COQ5: variants seen among roughly 807,000 people sequenced by gnomAD.
COQ5 encodes the protein coenzyme Q5, methyltransferase.
In COQ5, 27 loss-of-function variants were observed where a neutral mutation model predicts 40.5. That is an observed-to-expected ratio of 0.67 (90% confidence interval 0.49 to 0.92). The LOEUF (loss-of-function observed/expected upper bound fraction) is 0.92, where lower values mean the gene tolerates loss of function less well. COQ5 is among the 40% of genes least tolerant of loss of function. COQ5 has a pLI of 0.00. For missense variants in COQ5, 409 were observed against 406.4 expected (o/e 1.01, Z -0.06); for synonymous variants, 141 against 150.0 (o/e 0.94, Z 0.44).
chr12:120,506,154 C>T (rs1016180289), intron 4 of COQ5, among the ~76,000 whole-genome samples: 1 of 151,992 alleles, frequency 6.6e-6, no homozygotes, highest in African/African-American at 2.4e-5. Flanking sequence ...CATGCCTGGC[C>T]GGTTATTCAC....
rs769518316 is a variant in COQ5 at position 120,510,030 on chromosome 12, G to A, written c.668C>T (p.Thr223Ile). The A allele has an allele frequency of 6.2e-7, 1 of 1,613,578 alleles. No homozygotes were observed. Among genetic ancestry groups the A allele is most frequent in the Non-Finnish European group, 8.5e-7 (1 of 1,179,510 alleles). ...YTIAFGIRNV[T>I]HIDQALQEAH... is the part of the protein sequence containing the mutation. The stretch of plus-strand genomic sequence containing the variant: ...AGCCATTCATACCTGATCAATGTGT[G>A]TGACATTCCGGATCCCAAAGGCAAT... The change falls in exon 4 of 7, where the codon ACA (threonine) becomes ATA (isoleucine). Residue 223 changes from threonine to isoleucine, a missense_variant. By Grantham distance (89) the Thr-to-Ile change is moderately conservative. Coordinates refer to ENST00000288532, the MANE Select transcript of COQ5 (RefSeq NM_032314.4).
chr12:120,522,466 T>C (rs1234089395), intron 1 of COQ5, 103 bp from the exon 2 acceptor site: 1 of 1,118,434 alleles, frequency 8.9e-7, no homozygotes, highest in African/African-American at 1.5e-5. Flanking sequence ...ATGACCTGGC[T>C]TTGCAAGGTG....
intron 4 of COQ5, among the ~76,000 whole-genome samples, chr12:120,508,369 AGAGT>A (rs1868975439): frequency 6.6e-6 from 1 of 152,040 alleles, no homozygotes; most frequent in Admixed American, 6.6e-5. Context: ...CCTGGGTGAC[AGAGT>A]GAGAGTCCGT....
At chr12:120,519,286 G>A (rs1182258863) in intron 2 of COQ5, among the ~76,000 whole-genome samples, 1 of 152,132 alleles carries the variant, frequency 6.6e-6, no homozygotes, top group Non-Finnish European at 1.5e-5. Context: ...AGGCCAGGCG[G>A]AGTGGGTCAG....
At chr12:120,528,542 G>A (rs1258840370) in intron 1 of COQ5, among the ~76,000 whole-genome samples, 1 of 152,162 alleles carries the variant, frequency 6.6e-6, no homozygotes, top group Non-Finnish European at 1.5e-5. Context: ...TGGGCGCGGT[G>A]GCTCACGCCT....
intron 1 of COQ5, 55 bp downstream of exon 1, chr12:120,528,885 G>A (rs1217394128): frequency 2.6e-6 from 4 of 1,517,130 alleles, no homozygotes; most frequent in African/African-American, 1.4e-5. Flanking sequence ...CTGGCCAGAA[G>A]AAACCAGACC....
intron 3 of COQ5, among the ~76,000 whole-genome samples, chr12:120,511,841 T>C (rs532966320): frequency 6.6e-6 from 1 of 152,172 alleles, no homozygotes; most frequent in Non-Finnish European, 1.5e-5. Context: ...ATGCAAAACA[T>C]TGGGGAAAAA....
At chr12:120,527,967 T>TGACAGA (rs1870032034) in intron 1 of COQ5, among the ~76,000 whole-genome samples, 1 of 91,866 alleles carries the variant, frequency 1.1e-5, no homozygotes, top group African/African-American at 4.2e-5. Context: ...AGCCTGGGGG[T>TGACAGA]GACAGAGAGA....
chr12:120,526,634 A>T (rs1472834559), intron 1 of COQ5: 1 of 300,024 alleles, frequency 3.3e-6, no homozygotes, highest in East Asian at 9.5e-5. Context: ...CAATTTGCCA[A>T]GGCATAGAAA....
At chr12:120,508,117 T>G (rs1277418514) in intron 4 of COQ5, among the ~76,000 whole-genome samples, 1 of 149,206 alleles carries the variant, frequency 6.7e-6, no homozygotes, top group Non-Finnish European at 1.5e-5. Context: ...CAACTCAGCC[T>G]CCCAAGTAGC....
At chr12:120,511,554 G>A (rs1049972544) in intron 3 of COQ5, among the ~76,000 whole-genome samples, 1 of 152,102 alleles carries the variant, frequency 6.6e-6, no homozygotes, top group African/African-American at 2.4e-5. Flanking sequence ...AGGAGGCTGA[G>A]GTGGGAGGAG....
intron 2 of COQ5, among the ~76,000 whole-genome samples, chr12:120,520,395 G>A (rs1366468949): frequency 1.3e-5 from 2 of 151,198 alleles, no homozygotes; most frequent in African/African-American, 4.9e-5. Context: ...GCTTGATCTC[G>A]GCTCACTGCA....
At chr12:120,515,205 C>T (rs1478660476) in intron 3 of COQ5, among the ~76,000 whole-genome samples, 1 of 152,142 alleles carries the variant, frequency 6.6e-6, no homozygotes, top group Non-Finnish European at 1.5e-5. Context: ...GATCCTCCTG[C>T]TTCAGCCTCC....
intron 4 of COQ5, among the ~76,000 whole-genome samples, chr12:120,506,762 T>G (rs897625960): frequency 2.6e-5 from 4 of 152,230 alleles, no homozygotes; most frequent in Admixed American, 6.5e-5. Context: ...GCTTCTCTGC[T>G]TTCTTCAGTC....
intron 4 of COQ5, among the ~76,000 whole-genome samples, chr12:120,509,549 T>C (rs1178450099): frequency 6.6e-6 from 1 of 152,070 alleles, no homozygotes; most frequent in Non-Finnish European, 1.5e-5. Flanking sequence ...TATGAGGAAA[T>C]ACACAAAAGG....
intron 2 of COQ5, among the ~76,000 whole-genome samples, chr12:120,519,335 G>A (rs1375552418): frequency 6.6e-6 from 1 of 151,764 alleles, no homozygotes; most frequent in Non-Finnish European, 1.5e-5. Context: ...AAGGTGGGCG[G>A]ATCACCTTAG....
intron 2 of COQ5, among the ~76,000 whole-genome samples, chr12:120,520,141 T>C (rs1050896768): frequency 6.6e-6 from 1 of 150,914 alleles, no homozygotes; most frequent in Non-Finnish European, 1.5e-5. Context: ...ATGTATTTAT[T>C]TATTATTATT....
In COQ5 at chr12:120,529,086, C is replaced by A; in HGVS notation, c.56G>T (p.Arg19Leu). Residue 19 changes from arginine (R) to leucine (L), a missense_variant, in exon 1 of 7, where the codon CGG (arginine) becomes CTG (leucine). Arg to Leu is a moderately radical substitution (Grantham distance 102, BLOSUM62 -2). Coordinates refer to ENST00000288532, the MANE Select transcript of COQ5 (RefSeq NM_032314.4). ...GAGGAGCTGGCAGCCCCGCATCGCC[C>A]GCGACCACCCACGGCCGCAATAGCT... The part of the protein sequence containing the change: ...LWSYCGRGWS[R>L]AMRGCQLLGL... 1 of 1,614,120 alleles carries A rather than the reference C, an allele frequency of 6.2e-7. No homozygotes were observed. Among genetic ancestry groups the A allele is most frequent in the Non-Finnish European group, 8.5e-7 (1 of 1,180,014 alleles).
At chr12:120,520,776 G>A (rs1214716074) in intron 2 of COQ5, among the ~76,000 whole-genome samples, 2 of 151,972 alleles carry the variant, frequency 1.3e-5, no homozygotes, top group East Asian at 1.9e-4. Context: ...AATTTAACAT[G>A]TACGATGACA....
Sources: gnomAD v4.1 joint callset for allele counts (sites outside exome capture counted in the v4.1 genomes callset) on GRCh38, gnomAD v4.1.1 for gene constraint, MANE v1.5 for transcripts, NCBI Gene and HGNC (gene_info 2026-07-23, HGNC 2026-07-21) for gene names.